Variants in KIAA1217 observed in about 807,000 individuals in gnomAD.
The protein encoded by KIAA1217 is KIAA1217.
In KIAA1217, 88 loss-of-function variants were observed where a neutral mutation model predicts 163.9. The observed-to-expected ratio is 0.54, with a 90% CI of 0.45 to 0.64. KIAA1217 has a LOEUF of 0.64. KIAA1217 is among the 30% of genes least tolerant of loss of function. The pLI is 0.00. For synonymous variants in KIAA1217, 903 were observed against 923.1 expected (o/e 0.98, Z 0.39); for missense variants, 2,372 against 2,475.0 (o/e 0.96, Z 0.88).
intron 5 of KIAA1217, among the ~76,000 whole-genome samples, chr10:24,458,632 C>A (rs1228218815): frequency 3.3e-5 from 5 of 152,106 alleles, no homozygotes; most frequent in African/African-American, 1.2e-4. Context: ...TATTTGAAGT[C>A]TCTGAGCCCC....
At chr10:23,755,082 C>T (rs189644325) in intron 1 of KIAA1217, among the ~76,000 whole-genome samples, 155 of 152,228 alleles carry the variant, frequency 1.0e-3, no homozygotes, top group African/African-American at 3.6e-3. Flanking sequence ...TCAGGACTGA[C>T]ACTCACAATC....
rs1301814568 is a variant in KIAA1217 at position 23,817,996 on chromosome 10, TATATATATATATAC to T, written c.-321+122764_-321+122777del. On this transcript the variant is annotated intron_variant, in intron 1 of 18. Coordinates refer to the KIAA1217 transcript ENST00000376462. ...ATATATATATATATATATATATATA[TATATATATATATAC>T]ACACATATATATACACACATATATA... Among the ~76,000 whole-genome samples the T allele has an allele frequency of 2.2e-4, 23 of 106,108 alleles. 2 individuals carry two copies. The highest frequency in any genetic ancestry group is 9.0e-4 in the African/African-American group (22 of 24,520). The allele number at this position is 106,108 out of a possible 152,430, so 69.6% of individuals were successfully genotyped here.
At chr10:24,481,748 C>T (rs2064736452) in intron 6 of KIAA1217, 1 of 152,168 alleles carries the variant, frequency 6.6e-6, no homozygotes, top group Non-Finnish European at 1.5e-5. Flanking sequence ...AGAAGTGATA[C>T]AGACGGTAAT....
chr10:24,025,727 T>A (rs181505816), intron 2 of KIAA1217, among the ~76,000 whole-genome samples: 1 of 151,950 alleles, frequency 6.6e-6, no homozygotes, highest in East Asian at 1.9e-4. Flanking sequence ...CTCTTGCACA[T>A]ATCTTGTTAA....
At chr10:23,880,803 G>A (rs1366924173) in intron 1 of KIAA1217, among the ~76,000 whole-genome samples, 1 of 145,242 alleles carries the variant, frequency 6.9e-6, no homozygotes, top group African/African-American at 2.6e-5. Context: ...TGAGTAAATG[G>A]ATGGGGAAAC....
intron 1 of KIAA1217, among the ~76,000 whole-genome samples, chr10:23,835,523 A>C (rs1838402093): frequency 6.6e-6 from 1 of 152,074 alleles, no homozygotes; most frequent in Admixed American, 6.6e-5. Context: ...TCCTTATCCA[A>C]GGTGATAATT....
At chr10:24,505,440 T>G (rs1025314884) in intron 9 of KIAA1217, among the ~76,000 whole-genome samples, 1 of 152,040 alleles carries the variant, frequency 6.6e-6, no homozygotes, top group African/African-American at 2.4e-5. Flanking sequence ...TTTCCTGATA[T>G]CATTTTGAAA....
intron 8 of KIAA1217, among the ~76,000 whole-genome samples, chr10:24,498,216 G>T (rs1345266262): frequency 6.6e-6 from 1 of 152,084 alleles, no homozygotes; most frequent in Non-Finnish European, 1.5e-5. Context: ...AGTGGACCCA[G>T]GGACACAACA....
rs185699211 is a variant in KIAA1217 at position 24,325,571 on chromosome 10, C to T, written c.355-55298C>T. Reference sequence around the variant, plus strand: ...CCAGCACCTTTTCAAATGCCTTTTGCACCACCTTCTGAATAGATTGTCTTA... The same window carrying T: ...CCAGCACCTTTTCAAATGCCTTTTGTACCACCTTCTGAATAGATTGTCTTA... On this transcript the variant is annotated intron_variant, in intron 2 of 20. Transcript: ENST00000376454. Among the ~76,000 whole-genome samples the T allele has an allele frequency of 9.2e-5, 14 of 152,320 alleles. No homozygotes were observed. In the East Asian group the frequency reaches 2.7e-3, roughly 29 times the overall value.
At chr10:24,313,112 C>T (rs1319980395) in intron 2 of KIAA1217, among the ~76,000 whole-genome samples, 2 of 152,116 alleles carry the variant, frequency 1.3e-5, no homozygotes, top group East Asian at 1.9e-4. Context: ...GGAAATTTAG[C>T]GTCACTGATG....
chr10:24,065,413 T>G (rs1197784673), intron 2 of KIAA1217, among the ~76,000 whole-genome samples: 4 of 152,216 alleles, frequency 2.6e-5, no homozygotes, highest in Non-Finnish European at 5.9e-5. Flanking sequence ...CAGTAGTCAT[T>G]CAGGAGCAGG....
At chr10:24,257,340 G>C (rs534964615) in intron 2 of KIAA1217, among the ~76,000 whole-genome samples, 85 of 152,282 alleles carry the variant, frequency 5.6e-4, no homozygotes, top group African/African-American at 2.0e-3. Context: ...GAACGGCGTG[G>C]GGGGTGGAGG....
At chr10:23,998,424 T>A (rs1430515945) in intron 1 of KIAA1217, among the ~76,000 whole-genome samples, 1 of 152,238 alleles carries the variant, frequency 6.6e-6, no homozygotes, top group Non-Finnish European at 1.5e-5. Context: ...ACCCTGTTTC[T>A]CGTTCCTGCC....
At chr10:23,858,101 C>T (rs566402463) in intron 1 of KIAA1217, among the ~76,000 whole-genome samples, 2 of 152,052 alleles carry the variant, frequency 1.3e-5, no homozygotes, top group East Asian at 1.9e-4. Context: ...GAAAGAGGGC[C>T]AGGAAAGGAC....
chr10:24,026,759 T>G (rs1399341362), intron 2 of KIAA1217, among the ~76,000 whole-genome samples: 2 of 149,546 alleles, frequency 1.3e-5, no homozygotes, highest in Non-Finnish European at 3.0e-5. Context: ...TTTTTTTTTT[T>G]TTTTGCTCTT....
At chr10:24,423,767 C>T (rs1001193303) in intron 3 of KIAA1217, among the ~76,000 whole-genome samples, 29 of 152,284 alleles carry the variant, frequency 1.9e-4, no homozygotes, top group African/African-American at 5.3e-4. Context: ...AATTCCTAAC[C>T]TCAAGTGATC....
intron 2 of KIAA1217, among the ~76,000 whole-genome samples, chr10:24,161,839 T>G (rs900797471): frequency 6.6e-6 from 1 of 152,196 alleles, no homozygotes; most frequent in African/African-American, 2.4e-5. Context: ...ACAAGAGGAA[T>G]GTAGAACCAA....
intron 2 of KIAA1217, among the ~76,000 whole-genome samples, chr10:24,010,222 C>T (rs1401387655): frequency 2.6e-5 from 4 of 151,374 alleles, no homozygotes; most frequent in South Asian, 2.1e-4. Context: ...AAAAAAAAGT[C>T]AATGATTACA....
At chr10:23,927,470 G>T (rs1317226310) in intron 1 of KIAA1217, among the ~76,000 whole-genome samples, 1 of 152,062 alleles carries the variant, frequency 6.6e-6, no homozygotes, top group East Asian at 1.9e-4. Context: ...CACAAAACTA[G>T]TAGTAAATCA....
Sources: allele counts gnomAD v4.1 joint callset (sites outside exome capture counted in the v4.1 genomes callset), GRCh38; gene constraint gnomAD v4.1.1; transcripts MANE v1.5; gene names NCBI Gene and HGNC (gene_info 2026-07-23, HGNC 2026-07-21).